RD3: variants seen among roughly 807,000 people sequenced by gnomAD.
The protein encoded by RD3 is protein RD3.
In RD3, 11 loss-of-function variants were observed where a neutral mutation model predicts 16.9. The ratio of observed to expected loss-of-function variants is 0.65; its 90% CI spans 0.41 to 1.08. The LOEUF (loss-of-function observed/expected upper bound fraction) is 1.08, where lower values mean the gene tolerates loss of function less well. Ranked by LOEUF, RD3 falls within the 50% of genes least tolerant of loss-of-function variation. The pLI is 0.00. For missense variants in RD3, 274 were observed against 267.4 expected (o/e 1.02, Z -0.17); for synonymous variants, 116 against 114.8 (o/e 1.01, Z -0.07).
At chr1:211,490,832 G>A (rs185587020) in intron 1 of RD3, among the ~76,000 whole-genome samples, 14 of 152,188 alleles carry the variant, frequency 9.2e-5, no homozygotes, top group African/African-American at 2.6e-4. Flanking sequence ...CCCCACCCAT[G>A]GAGCACTGAT....
chr1:211,485,144 C>T (rs778395034), intron 1 of RD3, among the ~76,000 whole-genome samples: 28 of 152,198 alleles, frequency 1.8e-4, no homozygotes, highest in Non-Finnish European at 3.5e-4. Context: ...GGCTCCCGAC[C>T]TGAGCTGGCC....
At chr1:211,482,880 C>T (rs1265986923) in intron 1 of RD3, among the ~76,000 whole-genome samples, 2 of 151,872 alleles carry the variant, frequency 1.3e-5, no homozygotes, top group African/African-American at 2.4e-5. Context: ...CCCATTTCTG[C>T]TTAGACCCTC....
intron 1 of RD3, among the ~76,000 whole-genome samples, chr1:211,482,856 C>T (rs1705303795): frequency 6.6e-6 from 1 of 151,804 alleles, no homozygotes; most frequent in African/African-American, 2.4e-5. Flanking sequence ...TTCCCCCTTC[C>T]ATGCACCAAT....
At chr1:211,487,435 G>A (rs1352400937) in intron 1 of RD3, among the ~76,000 whole-genome samples, 1 of 152,212 alleles carries the variant, frequency 6.6e-6, no homozygotes, top group East Asian at 1.9e-4. Flanking sequence ...CCTTTCTTGA[G>A]TTGATTTTTA....
At chr1:211,484,218 T>C (rs1044090578) in intron 1 of RD3, among the ~76,000 whole-genome samples, 1 of 152,204 alleles carries the variant, frequency 6.6e-6, no homozygotes, top group African/African-American at 2.4e-5. Context: ...CTTATTCACC[T>C]TTCCATCCCT....
At chr1:211,482,754 A>G (rs1175008320) in intron 1 of RD3, among the ~76,000 whole-genome samples, 2 of 151,896 alleles carry the variant, frequency 1.3e-5, no homozygotes, top group African/African-American at 4.9e-5. Context: ...TTCTGACAAC[A>G]GTGAAGGGAA....
intron 1 of RD3, among the ~76,000 whole-genome samples, chr1:211,486,955 T>C (rs1705386089): frequency 6.6e-6 from 1 of 152,152 alleles, no homozygotes; most frequent in South Asian, 2.1e-4. Context: ...TTCAAATAGT[T>C]CAGAAAACAT....
chr1:211,491,228 C>A (rs1705483542), intron 1 of RD3, among the ~76,000 whole-genome samples: 1 of 152,224 alleles, frequency 6.6e-6, no homozygotes, highest in African/African-American at 2.4e-5. Context: ...ATCAGGGATG[C>A]ACAGACTGCT....
chr1:211,487,705 C>T (rs1356844227), intron 1 of RD3, among the ~76,000 whole-genome samples: 3 of 152,224 alleles, frequency 2.0e-5, no homozygotes, highest in African/African-American at 7.2e-5. Context: ...ATTTCTGCTG[C>T]TGTGTCTTTC....
intron 1 of RD3, among the ~76,000 whole-genome samples, chr1:211,487,674 C>T (rs1020336): frequency 0.23 from 35,529 of 152,236 alleles, 4,375 homozygotes; most frequent in Non-Finnish European, 0.27. Context: ...GGGACCCCTG[C>T]CTGCAGTCCC....
chr1:211,481,607 T>TGTA (rs917181381), intron 1 of RD3, among the ~76,000 whole-genome samples, 181 bp from the exon 2 acceptor site: 2 of 152,262 alleles, frequency 1.3e-5, no homozygotes, highest in African/African-American at 4.8e-5. Flanking sequence ...TTTCTAATTC[T>TGTA]GTAAGACAAG....
chr1:211,484,299 G>A (rs2102370137), intron 1 of RD3, among the ~76,000 whole-genome samples: 2 of 152,310 alleles, frequency 1.3e-5, no homozygotes, highest in Middle Eastern at 6.8e-3. Flanking sequence ...CCCGAACAAA[G>A]GAACGAATAA....
In RD3 at chr1:211,479,175, A is replaced by T. The variant is rs750614342; in HGVS notation, c.449T>A (p.Leu150Gln). Residue 150 changes from leucine to glutamine, a missense_variant, in exon 3 of 3, where the codon CTG becomes CAG. By Grantham distance (113) the Leu-to-Gln change is moderately radical. Coordinates refer to ENST00000680073, the MANE Select transcript of RD3 (RefSeq NM_001164688.2). ...GCGCGCGCGGGTCTTGAAGGTGGCC[A>T]GGCTGCCGCGGGGCCGCAGGCTCCA... ...RQWSLRPRGS[L>Q]ATFKTRARIS... 3.0e-5 allele frequency: 48 copies of T among 1,612,710 alleles called. No individual in the cohort carries two copies. The highest frequency in any genetic ancestry group is 3.9e-5 in the Non-Finnish European group (46 of 1,179,626).
intron 1 of RD3, among the ~76,000 whole-genome samples, chr1:211,482,218 GT>G (rs1705283972): frequency 1.4e-5 from 2 of 141,526 alleles, no homozygotes; most frequent in African/African-American, 5.2e-5. Flanking sequence ...GCAAAACTCC[GT>G]TTAAAAAAAA....
Position 211,491,909 on chromosome 1 carries a change from C to T in RD3, c.-153G>A, listed in dbSNP as rs577418198. On this transcript the variant is annotated 5_prime_UTR_variant, in exon 1 of 3. The change abolishes an upstream ATG in the 5' untranslated region. Coordinates refer to ENST00000680073, the MANE Select transcript of RD3 (RefSeq NM_001164688.2). Reference sequence around the variant, plus strand: ...AGCCACAGCAGGGCAGGGCAGTCTACATCCTCAAGTCTCCCTCAGCTTCTC... The same window carrying T: ...AGCCACAGCAGGGCAGGGCAGTCTATATCCTCAAGTCTCCCTCAGCTTCTC... 2 of 152,188 alleles carry T rather than the reference C, an allele frequency of 1.3e-5. No individual in the cohort carries two copies. Among genetic ancestry groups the T allele is most frequent in the Non-Finnish European group, 2.9e-5 (2 of 68,086 alleles). 9.4% of individuals were successfully genotyped at this position (152,188 alleles called of 1,614,324 possible). A position where few individuals can be genotyped will look rare whatever the true frequency, so the allele number is the denominator to read the frequency against.
chr1:211,481,977 C>A (rs887966593), intron 1 of RD3, among the ~76,000 whole-genome samples: 1 of 152,212 alleles, frequency 6.6e-6, no homozygotes, highest in Admixed American at 6.5e-5. Flanking sequence ...AATCCCAATA[C>A]TTTGGGAGGC....
chr1:211,485,365 A>C (rs904468426), intron 1 of RD3, among the ~76,000 whole-genome samples: 1 of 152,136 alleles, frequency 6.6e-6, no homozygotes, highest in Non-Finnish European at 1.5e-5. Context: ...TTTGGCAGAA[A>C]CAAGATTTCT....
rs112790429 is a variant in RD3 at position 211,481,102 on chromosome 1, C to T, written c.296+18G>A. 2,587 of 1,612,982 alleles carry T rather than the reference C, an allele frequency of 1.6e-3. 42 individuals are homozygous for T. In the African/African-American group the frequency reaches 0.029, roughly 18 times the overall value. ...CTGGAGCCTGCAGCCCAGCAAGGGT[C>T]CCCATCCCAGTGCTCACCTGAGGAT... On this transcript the variant is annotated intron_variant, in intron 2 of 2. Transcript: ENST00000680073.
intron 2 of RD3, among the ~76,000 whole-genome samples, 183 bp downstream of exon 2, chr1:211,480,937 C>G (rs974389330): frequency 6.6e-6 from 1 of 151,972 alleles, no homozygotes; most frequent in African/African-American, 2.4e-5. Context: ...CCCGCTGGAC[C>G]CCTAACCCTA....
Sources: allele counts gnomAD v4.1 joint callset (sites outside exome capture counted in the v4.1 genomes callset), GRCh38; gene constraint gnomAD v4.1.1; transcripts MANE v1.5; gene names NCBI Gene and HGNC (gene_info 2026-07-23, HGNC 2026-07-21).